FYB1: variants seen among roughly 807,000 people sequenced by gnomAD.
FYB1 encodes the protein FYN binding protein 1.
In FYB1, 41 loss-of-function variants were observed where a neutral mutation model predicts 94.1. The observed-to-expected ratio is 0.44, with a 90% confidence interval of 0.34 to 0.57. The LOEUF (loss-of-function observed/expected upper bound fraction) is 0.57. FYB1 is among the 20% of genes least tolerant of loss of function. FYB1 has a pLI of 0.02. For missense variants in FYB1, 1,050 were observed against 976.8 expected, an observed-to-expected ratio of 1.07 and a Z score of -1.00; for synonymous variants, 367 against 353.2, an observed-to-expected ratio of 1.04 and a Z score of -0.44.
intron 1 of FYB1, among the ~76,000 whole-genome samples, chr5:39,269,152 C>G (rs1419607211): frequency 2.0e-5 from 3 of 151,608 alleles, no homozygotes; most frequent in Non-Finnish European, 4.4e-5. Context: ...CGGATTCACA[C>G]CATTCTCCTG....
chr5:39,211,079 C>T (rs1293158877), intron 1 of FYB1: 1 of 152,196 alleles, frequency 6.6e-6, no homozygotes, highest in African/African-American at 2.4e-5. Flanking sequence ...ATAATTCACT[C>T]AGCCTGCATG....
At chr5:39,164,501 T>C (rs999881041) in intron 2 of FYB1, among the ~76,000 whole-genome samples, 1 of 152,136 alleles carries the variant, frequency 6.6e-6, no homozygotes, top group Admixed American at 6.6e-5. Flanking sequence ...CTCAGCTGAC[T>C]GCAACATCCA....
At chr5:39,220,270 G>A (rs1383450473), upstream of FYB1, among the ~76,000 whole-genome samples, 1 of 151,864 alleles carries the variant, frequency 6.6e-6, no homozygotes, top group Non-Finnish European at 1.5e-5. Flanking sequence ...AATTAGCCAA[G>A]TGTGATGGTG....
chr5:39,220,437 G>A, upstream of FYB1, among the ~76,000 whole-genome samples: 1 of 141,166 alleles, frequency 7.1e-6, no homozygotes, highest in Non-Finnish European at 1.6e-5. Flanking sequence ...AAAGAAGAAA[G>A]AAAGAAAGAA....
At position 39,215,890 on chromosome 5, in the gene FYB1, C is replaced by T. The variant is rs75664392; in HGVS notation, c.-28+3553G>A. Reference sequence around the variant, plus strand: ...GCAGGTGTAATTAAGGATCATGCAACGGAATCATTCTGGGTTATGTAGGTA... The same window carrying T: ...GCAGGTGTAATTAAGGATCATGCAATGGAATCATTCTGGGTTATGTAGGTA... On this transcript the variant is annotated intron_variant, in intron 1 of 18. Transcript: ENST00000512982. Among the ~76,000 whole-genome samples the T allele has an allele frequency of 8.8e-3, 1,343 of 152,186 alleles. 12 individuals carry two copies. Among genetic ancestry groups the T allele is most frequent in the African/African-American group, 0.031 (1,266 of 41,492 alleles).
intron 2 of FYB1, among the ~76,000 whole-genome samples, chr5:39,170,488 C>A (rs1248075956): frequency 6.6e-6 from 1 of 152,142 alleles, no homozygotes; most frequent in Non-Finnish European, 1.5e-5. Context: ...TCCCTACATC[C>A]AATACATGAG....
At chr5:39,211,283 G>T (rs1749349339) in intron 1 of FYB1, among the ~76,000 whole-genome samples, 1 of 151,480 alleles carries the variant, frequency 6.6e-6, no homozygotes, top group Admixed American at 6.6e-5. Flanking sequence ...CTCAAAGAGA[G>T]ACCTAAATTT....
intron 2 of FYB1, among the ~76,000 whole-genome samples, chr5:39,198,434 T>C (rs1386076344): frequency 6.6e-6 from 1 of 152,152 alleles, no homozygotes; most frequent in Non-Finnish European, 1.5e-5. Flanking sequence ...TTATAAGTAA[T>C]AAAAGACATA....
At chr5:39,151,050 C>T (rs1743206702) in intron 3 of FYB1, among the ~76,000 whole-genome samples, 1 of 152,148 alleles carries the variant, frequency 6.6e-6, no homozygotes, top group Admixed American at 6.5e-5. Flanking sequence ...TCTACCTGCG[C>T]TCTGTGCCTA....
intron 1 of FYB1, among the ~76,000 whole-genome samples, chr5:39,207,057 C>G (rs913714910): frequency 6.6e-6 from 1 of 152,072 alleles, no homozygotes; most frequent in African/African-American, 2.4e-5. Context: ...TTTGCAGAAC[C>G]TTTTTAACTT....
At chr5:39,231,434 A>G (rs1001523891) in intron 1 of FYB1, among the ~76,000 whole-genome samples, 2 of 152,164 alleles carry the variant, frequency 1.3e-5, no homozygotes, top group Non-Finnish European at 2.9e-5. Flanking sequence ...TTGAATAAGA[A>G]AAAAATCTCT....
intron 1 of FYB1, among the ~76,000 whole-genome samples, chr5:39,241,549 G>T (rs955746441): frequency 6.6e-6 from 1 of 152,116 alleles, no homozygotes; most frequent in African/African-American, 2.4e-5. Flanking sequence ...TAAATAGGTG[G>T]TAGAAAGGAT....
At chr5:39,262,146 A>G (rs1275393541) in intron 1 of FYB1, among the ~76,000 whole-genome samples, 1 of 152,134 alleles carries the variant, frequency 6.6e-6, no homozygotes, top group Admixed American at 6.6e-5. Context: ...TTATTTTAAA[A>G]TTTGACAACA....
intron 2 of FYB1, among the ~76,000 whole-genome samples, chr5:39,197,224 C>T (rs571436241): frequency 6.6e-6 from 1 of 152,164 alleles, no homozygotes; most frequent in African/African-American, 2.4e-5. Context: ...TTTCATTTTG[C>T]TCCCGTCAAT....
In FYB1 at chr5:39,202,838, G is replaced by A. The variant is rs1429871624; in HGVS notation, c.123C>T (p.Asn41=). ...CTGCAGGAGGGCTGGCATTTCCTTGGTTGTTGAATAAGTTCTTTCTTGCTT... is the reference window on the plus strand; with the variant it reads ...CTGCAGGAGGGCTGGCATTTCCTTGATTGTTGAATAAGTTCTTTCTTGCTT... ...GIQARKNLFN[N]QGNASPPAGP... Residue 41 remains asparagine, a synonymous_variant, in exon 2 of 19, where the codon AAC becomes AAT. Transcript: ENST00000512982. 6.2e-7 allele frequency: 1 copy of A among 1,613,982 alleles called. No individual in the cohort carries two copies. The highest frequency in any genetic ancestry group is 1.3e-5 in the African/African-American group (1 of 75,040).
chr5:39,244,294 G>C (rs563260719), intron 1 of FYB1, among the ~76,000 whole-genome samples: 1 of 152,034 alleles, frequency 6.6e-6, no homozygotes, highest in Non-Finnish European at 1.5e-5. Context: ...TAAATAGCCC[G>C]TATTGTTTTG....
In FYB1 at chr5:39,135,008, C is replaced by T. The variant is rs750893925; in HGVS notation, c.1522G>A (p.Gly508Ser). ...QEIKKKFKLT[G>S]PIQVIHLAKA... ...GCAAGATGGATGACTTGAATAGGGC[C>T]TGTTAGCTGCAAAGAGAAAAAAATA... Residue 508 changes from glycine (G) to serine (S), a missense_variant, in exon 8 of 19, where the codon GGC (glycine) becomes AGC (serine). By Grantham distance (56) the Gly-to-Ser change is moderately conservative. Coordinates refer to ENST00000512982, the MANE Select transcript of FYB1 (RefSeq NM_001465.6). 3 of 1,612,244 alleles carry T rather than the reference C, an allele frequency of 1.9e-6. No individual in the cohort carries two copies. Among genetic ancestry groups the T allele is most frequent in the Admixed American group, 1.7e-5 (1 of 59,668 alleles).
intron 2 of FYB1, among the ~76,000 whole-genome samples, chr5:39,199,407 A>T (rs966107731): frequency 6.6e-6 from 1 of 152,170 alleles, no homozygotes; most frequent in African/African-American, 2.4e-5. Context: ...ATAAATGCTT[A>T]CTTTATGACA....
chr5:39,261,427 T>C (rs2111632632), intron 1 of FYB1, among the ~76,000 whole-genome samples: 1 of 150,374 alleles, frequency 6.7e-6, no homozygotes, highest in South Asian at 2.1e-4. Flanking sequence ...AGAAGATATA[T>C]GAATCCAGAG....
Sources: gnomAD v4.1 joint callset for allele counts (sites outside exome capture counted in the v4.1 genomes callset) on GRCh38, gnomAD v4.1.1 for gene constraint, MANE v1.5 for transcripts, NCBI Gene and HGNC (gene_info 2026-07-23, HGNC 2026-07-21) for gene names.